ARAP2: variants seen among roughly 807,000 people sequenced by gnomAD.
ARAP2 encodes arf-GAP with Rho-GAP domain, ANK repeat and PH domain-containing protein 2.
ARAP2 carries 148 observed loss-of-function variants against 194.5 expected under a neutral mutation model. That is an observed-to-expected ratio of 0.76 (90% CI 0.67 to 0.87). The LOEUF (loss-of-function observed/expected upper bound fraction) is 0.87. Ranked by LOEUF, ARAP2 falls within the 40% of genes least tolerant of loss-of-function variation. ARAP2 has a pLI of 0.00. For synonymous variants in ARAP2, 695 were observed against 683.5 expected (o/e 1.02, Z -0.26); for missense variants, 2,128 against 1,989.7 (o/e 1.07, Z -1.32).
rs1230536654 is a variant in ARAP2, at chr4:36,228,968, A to T, written c.519T>A (p.Ser173Arg). The change falls in exon 2 of 33, where the codon AGT becomes AGA. Residue 173 changes from serine (S) to arginine (R), a missense_variant. Coordinates refer to ENST00000303965, the MANE Select transcript of ARAP2 (RefSeq NM_015230.4). ...TCAATGATTCTATTTTAATATTGTC[A>T]CTACCAAATAAAGAATCATTCAAAG... Reference protein sequence around the residue: ...LGSLNDSLFGSDNIKIESLIT... With the variant: ...LGSLNDSLFGRDNIKIESLIT... 1 of 1,614,070 alleles carries T rather than the reference A, an allele frequency of 6.2e-7. No individual in the cohort carries two copies.
intron 9 of ARAP2, among the ~76,000 whole-genome samples, chr4:36,173,987 C>T (rs1442465534): frequency 1.3e-5 from 2 of 152,140 alleles, no homozygotes; most frequent in Non-Finnish European, 2.9e-5. Flanking sequence ...GAAAGGAAGA[C>T]AAGGCTACAT....
intron 4 of ARAP2, chr4:36,046,579 A>G (rs185348122): frequency 6.6e-6 from 1 of 152,278 alleles, no homozygotes. Context: ...TCTAATGCAG[A>G]CCACAGAAAG....
intron 9 of ARAP2, among the ~76,000 whole-genome samples, chr4:36,175,625 A>G (rs553479896): frequency 2.2e-4 from 34 of 152,292 alleles, no homozygotes; most frequent in African/African-American, 7.9e-4. Context: ...CACAAACAAT[A>G]GTATACATTT....
chr4:36,129,102 C>T (rs150228179), intron 20 of ARAP2, among the ~76,000 whole-genome samples: 2 of 152,046 alleles, frequency 1.3e-5, no homozygotes, highest in African/African-American at 2.4e-5. Context: ...GTGAGGCTCT[C>T]TGGTATAAAT....
At chr4:36,191,777 C>T (rs995128325) in intron 7 of ARAP2, among the ~76,000 whole-genome samples, 7 of 152,006 alleles carry the variant, frequency 4.6e-5, no homozygotes, top group East Asian at 1.9e-4. Flanking sequence ...GACAATGAAA[C>T]GATCACAGGG....
At chr4:36,082,334 T>C (rs777577681) in intron 29 of ARAP2, 48 bp from the exon 30 acceptor site, 1 of 1,551,722 alleles carries the variant, frequency 6.4e-7, no homozygotes, top group Non-Finnish European at 8.8e-7. Context: ...AATAATACAT[T>C]TTACAAGACA....
At chr4:36,029,933 C>A (rs773616397) in intron 5 of ARAP2, among the ~76,000 whole-genome samples, 2 of 151,950 alleles carry the variant, frequency 1.3e-5, no homozygotes, top group African/African-American at 2.4e-5. Flanking sequence ...AGCATTATTA[C>A]TTTTTAATTC....
chr4:36,214,910 T>A (rs1053645174), intron 2 of ARAP2, among the ~76,000 whole-genome samples: 6 of 152,330 alleles, frequency 3.9e-5, no homozygotes, highest in African/African-American at 1.4e-4. Context: ...TTTAGCTTTA[T>A]AATACTGAGT....
At chr4:36,009,884 G>GGT (rs1553859394) in intron 9 of ARAP2, among the ~76,000 whole-genome samples, 1 of 143,060 alleles carries the variant, frequency 7.0e-6, no homozygotes, top group Non-Finnish European at 1.5e-5. Context: ...TTTTTTTGGC[G>GGT]GGGGGTAGGG....
At chr4:36,206,542 T>C (rs543971663) in intron 6 of ARAP2, among the ~76,000 whole-genome samples, 5 of 152,356 alleles carry the variant, frequency 3.3e-5, no homozygotes, top group Admixed American at 2.6e-4. Context: ...TTATCCGTTT[T>C]GCAAAGGGCA....
chr4:36,098,881 CTTTTTT>C (rs368241535), intron 27 of ARAP2, among the ~76,000 whole-genome samples: 1 of 151,940 alleles, frequency 6.6e-6, no homozygotes, highest in African/African-American at 2.4e-5. Flanking sequence ...TAATTTAACT[CTTTTTT>C]TTATTTATCA....
At chr4:36,047,720 T>C (rs574818730) in intron 3 of ARAP2, among the ~76,000 whole-genome samples, 5 of 152,352 alleles carry the variant, frequency 3.3e-5, no homozygotes, top group African/African-American at 1.2e-4. Context: ...AAGATCCAGA[T>C]AGCAGCAACA....
chr4:36,242,796 A>G (rs979289724), intron 1 of ARAP2, among the ~76,000 whole-genome samples: 10 of 152,304 alleles, frequency 6.6e-5, no homozygotes, highest in Middle Eastern at 3.4e-3. Flanking sequence ...ACACAAGCAC[A>G]CACCCATATA....
At chr4:36,017,699 AGAAG>A (rs1019108548) in intron 6 of ARAP2, among the ~76,000 whole-genome samples, 18 of 151,476 alleles carry the variant, frequency 1.2e-4, no homozygotes, top group African/African-American at 4.4e-4. Flanking sequence ...GTGTAGTGAG[AGAAG>A]GAAGAATGTA....
At chr4:36,076,533 G>GT (rs927430428) in intron 31 of ARAP2, among the ~76,000 whole-genome samples, 7 of 150,662 alleles carry the variant, frequency 4.6e-5, no homozygotes, top group East Asian at 1.9e-4. Context: ...TGCTTTTGCT[G>GT]TTTTTTTTTC....
At chr4:36,215,531 A>G (rs1747742247) in intron 2 of ARAP2, among the ~76,000 whole-genome samples, 1 of 152,234 alleles carries the variant, frequency 6.6e-6, no homozygotes, top group Non-Finnish European at 1.5e-5. Flanking sequence ...TCTGAGTAGG[A>G]AAGATTCCTT....
At position 36,160,613 on chromosome 4, in the gene ARAP2, GC is replaced by G; in HGVS notation, c.2287del (p.Ala763GlnfsTer21). On this transcript the variant is annotated frameshift_variant, in exon 13 of 33. Coordinates refer to ENST00000303965, the MANE Select transcript of ARAP2 (RefSeq NM_015230.4). LOFTEE classifies it high-confidence loss of function. ...AAGATTACCAGCCCAAAAGTCATTTGCTCTTTTGTTTCCAATGACAATAAAA... is the reference window on the plus strand; with the variant it reads ...AAGATTACCAGCCCAAAAGTCATTTGTCTTTTGTTTCCAATGACAATAAAA... ...ELFIVIGNKR[A>X]NDFWAGNLQK... The G allele has an allele frequency of 6.8e-7, 1 of 1,476,312 alleles. No homozygotes were observed. Among genetic ancestry groups the G allele is most frequent in the Non-Finnish European group, 8.9e-7 (1 of 1,122,670 alleles). 91.5% of individuals were successfully genotyped at this position (1,476,312 alleles called of 1,614,324 possible).
intron 2 of ARAP2, among the ~76,000 whole-genome samples, chr4:36,052,304 G>A (rs992113411): frequency 1.3e-5 from 2 of 152,178 alleles, no homozygotes; most frequent in African/African-American, 4.8e-5. Context: ...AATGAAAGAA[G>A]CAAGTTATTG....
At chr4:36,226,570 T>C (rs957996706) in intron 2 of ARAP2, among the ~76,000 whole-genome samples, 4 of 152,144 alleles carry the variant, frequency 2.6e-5, no homozygotes, top group Admixed American at 1.3e-4. Context: ...CAATTCATTA[T>C]TTAAGCGTTT....
Sources: gnomAD v4.1 joint callset for allele counts (sites outside exome capture counted in the v4.1 genomes callset) on GRCh38, gnomAD v4.1.1 for gene constraint, MANE v1.5 for transcripts, NCBI Gene and HGNC (gene_info 2026-07-23, HGNC 2026-07-21) for gene names.